RUNX1T1: variants seen among roughly 807,000 people sequenced by gnomAD.
RUNX1T1 encodes RUNX1 partner transcriptional co-repressor 1, also known as protein CBFA2T1.
In RUNX1T1, 4 loss-of-function variants were observed where a neutral mutation model predicts 62.8. The ratio of observed to expected loss-of-function variants is 0.06; its 90% CI spans 0.03 to 0.15. RUNX1T1 has a LOEUF of 0.15. Among genes scored for constraint, RUNX1T1 ranks in the 10% least tolerant of loss-of-function variants. RUNX1T1 has a pLI of 1.00. For synonymous variants in RUNX1T1, 291 were observed against 286.0 expected, an observed-to-expected ratio of 1.02 and a Z score of -0.18; for missense variants, 508 against 754.3, an observed-to-expected ratio of 0.67 and a Z score of 3.82.
intron 2 of RUNX1T1, among the ~76,000 whole-genome samples, chr8:92,072,073 A>T (rs1267194516): frequency 6.6e-6 from 1 of 152,238 alleles, no homozygotes; most frequent in East Asian, 1.9e-4. Flanking sequence ...ATATACAGCA[A>T]ATCTGTGTAA....
chr8:92,036,490 A>G (rs551264443), intron 1 of RUNX1T1, among the ~76,000 whole-genome samples: 3 of 152,320 alleles, frequency 2.0e-5, no homozygotes, highest in African/African-American at 7.2e-5. Flanking sequence ...ACTATCACAG[A>G]AGACCACTGT....
chr8:92,060,614 AGAT>A (rs1262518868), intron 1 of RUNX1T1, among the ~76,000 whole-genome samples: 2 of 146,772 alleles, frequency 1.4e-5, no homozygotes, highest in Admixed American at 6.9e-5. Context: ...TTTAAGCAGT[AGAT>A]GATATCAGAG....
downstream of RUNX1T1, chr8:91,957,066 C>G (rs1178199881): frequency 9.2e-6 from 2 of 217,202 alleles, no homozygotes; most frequent in African/African-American, 4.5e-5. Flanking sequence ...GAGTAAGAGA[C>G]AGAGATAAGA....
At chr8:92,044,975 A>C (rs1430632668) in intron 1 of RUNX1T1, among the ~76,000 whole-genome samples, 1 of 152,048 alleles carries the variant, frequency 6.6e-6, no homozygotes, top group South Asian at 2.1e-4. Flanking sequence ...CTAAGCCTGT[A>C]ATCCTAGCAC....
intron 5 of RUNX1T1, among the ~76,000 whole-genome samples, chr8:91,997,271 A>C (rs1376602728): frequency 6.6e-6 from 1 of 152,198 alleles, no homozygotes; most frequent in Non-Finnish European, 1.5e-5. Context: ...AAGTATGAAA[A>C]AATCCATCAT....
At chr8:92,084,646 G>A (rs950155754) in intron 1 of RUNX1T1, among the ~76,000 whole-genome samples, 3 of 152,190 alleles carry the variant, frequency 2.0e-5, no homozygotes, top group African/African-American at 7.2e-5. Context: ...TTGCACGGAT[G>A]ATAGCAGAGT....
At chr8:91,957,212 T>C (rs2130348565), downstream of RUNX1T1, 2 of 218,928 alleles carry the variant, frequency 9.1e-6, no homozygotes, top group Admixed American at 1.2e-4. Context: ...AAAAGGAAAG[T>C]AACAAAAGTT....
intron 8 of RUNX1T1, among the ~76,000 whole-genome samples, chr8:91,977,972 G>C (rs948332860): frequency 1.3e-5 from 2 of 152,014 alleles, no homozygotes; most frequent in Middle Eastern, 3.2e-3. Flanking sequence ...ATTTTTAGTA[G>C]AGATGGGGTT....
At chr8:92,067,653 T>C (rs1425013913), upstream of RUNX1T1, among the ~76,000 whole-genome samples, 1 of 152,232 alleles carries the variant, frequency 6.6e-6, no homozygotes, top group African/African-American at 2.4e-5. Flanking sequence ...TTAACTCTGG[T>C]TGAAGTACAA....
chr8:91,965,334 C>T (rs993458930), intron 10 of RUNX1T1, among the ~76,000 whole-genome samples: 4 of 152,166 alleles, frequency 2.6e-5, no homozygotes, highest in Non-Finnish European at 5.9e-5. Context: ...TTATTAAATG[C>T]CTCTTGTTGA....
intron 1 of RUNX1T1, among the ~76,000 whole-genome samples, chr8:92,078,611 CCAAA>C (rs1190075573): frequency 5.3e-5 from 8 of 152,044 alleles, no homozygotes; most frequent in African/African-American, 1.7e-4. Context: ...ACATACATTC[CCAAA>C]CAAATATTAC....
At chr8:91,966,360 G>T (rs1002134828) in intron 10 of RUNX1T1, among the ~76,000 whole-genome samples, 7 of 151,974 alleles carry the variant, frequency 4.6e-5, no homozygotes, top group Non-Finnish European at 1.0e-4. Context: ...ACTGAGGTTG[G>T]TATAACTGTG....
chr8:92,005,254 C>T (rs758578790), exon 5 of RUNX1T1: 1 of 1,613,536 alleles, frequency 6.2e-7, no homozygotes, highest in Admixed American at 1.7e-5. Flanking sequence ...TTTGGCCAGT[C>T]TTGCGCAGTG....
chr8:92,001,335 GCTTGGGCAA>G lies in RUNX1T1; in HGVS notation c.659+3772_659+3780del, dbSNP rs1270464069. Among the ~76,000 whole-genome samples, 8 of 152,226 alleles carry G rather than the reference GCTTGGGCAA, an allele frequency of 5.3e-5. 1 individual carries two copies. The South Asian group carries it at 1.4e-3, about 28-fold the overall frequency. The stretch of plus-strand genomic sequence containing the variant: ...ACATGAGCCCAGGAGTTTGAGACCA[GCTTGGGCAA>G]CATTGCAGACCATGCCTAAGGAAAA... On this transcript the variant is annotated intron_variant, in intron 5 of 10. Transcript: ENST00000396218.
chr8:92,057,487 A>G lies in RUNX1T1; in HGVS notation c.7+5059T>C, dbSNP rs541797773. Among the ~76,000 whole-genome samples, 5 of 152,352 alleles carry G rather than the reference A, an allele frequency of 3.3e-5. No individual in the cohort carries two copies. The East Asian group carries it at 9.6e-4, about 29-fold the overall frequency. ...CTGTAGTGAAAATCAGAAAGTATACACAGTGCCTAGCCCACAGCCTGGCAT... is the reference window on the plus strand; with the variant it reads ...CTGTAGTGAAAATCAGAAAGTATACGCAGTGCCTAGCCCACAGCCTGGCAT... On this transcript the variant is annotated intron_variant, in intron 1 of 10. Transcript: ENST00000396218.
intron 1 of RUNX1T1, among the ~76,000 whole-genome samples, chr8:92,088,926 G>A (rs1276535600): frequency 1.3e-5 from 2 of 152,070 alleles, no homozygotes; most frequent in African/African-American, 4.8e-5. Context: ...GTATATATAC[G>A]CTTAAGACAT....
intron 1 of RUNX1T1, among the ~76,000 whole-genome samples, chr8:92,054,123 T>TG (rs1461421348): frequency 1.4e-5 from 2 of 140,024 alleles, no homozygotes; most frequent in African/African-American, 5.2e-5. Flanking sequence ...TATTAGTACC[T>TG]GGAAAAAAAA....
intron 7 of RUNX1T1, 45 bp from the exon 9 acceptor site, chr8:91,986,370 C>T: frequency 6.8e-6 from 10 of 1,461,994 alleles, no homozygotes; most frequent in Middle Eastern, 2.0e-4. Flanking sequence ...TAAATCATCA[C>T]AATTAAAGAT....
intron 5 of RUNX1T1, among the ~76,000 whole-genome samples, chr8:91,997,089 T>C (rs113461958): frequency 3.3e-5 from 5 of 151,994 alleles, no homozygotes; most frequent in African/African-American, 7.2e-5. Flanking sequence ...ATCGCGCCAC[T>C]GCACTCCAGC....
Sources: gnomAD v4.1 joint callset for allele counts (sites outside exome capture counted in the v4.1 genomes callset) on GRCh38, gnomAD v4.1.1 for gene constraint, MANE v1.5 for transcripts, NCBI Gene and HGNC (gene_info 2026-07-23, HGNC 2026-07-21) for gene names.